The following FBN2 variants were observed in gnomAD, a reference collection of about 807,000 sequenced individuals.
FBN2 encodes the protein fibrillin 2, also known as fibrillin-2.
In FBN2, 105 loss-of-function variants were observed where a neutral mutation model predicts 355.6. The observed-to-expected ratio is 0.30, with a 90% CI of 0.25 to 0.35. The LOEUF is 0.35. Among genes scored for constraint, FBN2 ranks in the 10% least tolerant of loss-of-function variants. FBN2 has a pLI of 1.00. For missense variants in FBN2, 3,280 were observed against 3,758.7 expected (o/e 0.87, Z 3.33); for synonymous variants, 1,350 against 1,301.2 (o/e 1.04, Z -0.81).
chr5:128,351,811 C>T (rs1751375285), intron 20 of FBN2, among the ~76,000 whole-genome samples: 1 of 151,890 alleles, frequency 6.6e-6, no homozygotes, highest in South Asian at 2.1e-4. Flanking sequence ...AGCAATCCTT[C>T]CACTTCAGCC....
At chr5:128,344,326 A>C in intron 25 of FBN2, 59 bp downstream of exon 25, 1 of 1,581,098 alleles carries the variant, frequency 6.3e-7, no homozygotes, top group Non-Finnish European at 8.7e-7. Flanking sequence ...CAGTCCTTTC[A>C]AACAGAGTAA....
At chr5:128,528,251 G>C (rs777476964) in intron 3 of FBN2, among the ~76,000 whole-genome samples, 1 of 152,088 alleles carries the variant, frequency 6.6e-6, no homozygotes, top group Non-Finnish European at 1.5e-5. Flanking sequence ...AAAGCAGGAG[G>C]CACTTTTGTC....
At position 128,374,489 on chromosome 5, in the gene FBN2, C is replaced by G. The variant is rs146479440; in HGVS notation, c.2095+139G>C. On this transcript the variant is annotated intron_variant, in intron 15 of 64. Coordinates refer to ENST00000262464, the MANE Select transcript of FBN2 (RefSeq NM_001999.4). ...TTTGTGACTGGCTTCTTTCACTTAG[C>G]ATAATCTTTCCAAGGTTTATCCATG... 3.8e-3 allele frequency: 4,501 copies of G among 1,177,948 alleles called. 16 individuals carry two copies. The highest frequency in any genetic ancestry group is 5.1e-3 in the Non-Finnish European group (4,094 of 809,178). 73.0% of individuals were successfully genotyped at this position (1,177,948 alleles called of 1,614,324 possible).
chr5:128,444,746 G>T (rs991499008), intron 7 of FBN2, among the ~76,000 whole-genome samples: 1 of 152,176 alleles, frequency 6.6e-6, no homozygotes. Context: ...GGCTCTGTAT[G>T]CTGCTTTGAT....
intron 16 of FBN2, among the ~76,000 whole-genome samples, chr5:128,366,979 T>C (rs1751789502): frequency 6.6e-6 from 1 of 152,206 alleles, no homozygotes; most frequent in African/African-American, 2.4e-5. Context: ...TCCTGGGTAC[T>C]CTATCACAGG....
intron 23 of FBN2, among the ~76,000 whole-genome samples, chr5:128,346,549 GT>G (rs1308297966): frequency 6.6e-6 from 1 of 152,156 alleles, no homozygotes; most frequent in Non-Finnish European, 1.5e-5. Context: ...ATTCTTTCAA[GT>G]TCTAAAAGGT....
chr5:128,290,723 T>C lies in FBN2; in HGVS notation c.6445+9A>G. On this transcript the variant is annotated intron_variant, in intron 50 of 64. Transcript: ENST00000262464. Reference sequence around the variant, plus strand: ...ACAAAGTGCTGTCTGATGATGTCATTGCTCTTACCTTCATCGTCTTTGGGG... The same window carrying C: ...ACAAAGTGCTGTCTGATGATGTCATCGCTCTTACCTTCATCGTCTTTGGGG... The C allele has an allele frequency of 6.2e-7, 1 of 1,613,924 alleles. No individual in the cohort carries two copies. Among genetic ancestry groups the C allele is most frequent in the Non-Finnish European group, 8.5e-7 (1 of 1,179,760 alleles).
At chr5:128,451,691 C>T (rs897279332) in intron 6 of FBN2, among the ~76,000 whole-genome samples, 27 of 152,274 alleles carry the variant, frequency 1.8e-4, no homozygotes, top group East Asian at 7.7e-4. Context: ...TGAGCCACTG[C>T]GCACAGCCTT....
intron 7 of FBN2, among the ~76,000 whole-genome samples, chr5:128,434,394 G>GTATATATATA (rs6149234): frequency 0.016 from 1,434 of 91,460 alleles, 54 homozygotes; most frequent in Non-Finnish European, 0.018. Context: ...AATAAAGTGT[G>GTATATATATA]TATATATATA....
chr5:128,334,663 G>A, intron 31 of FBN2, 56 bp downstream of exon 31: 1 of 1,596,434 alleles, frequency 6.3e-7, no homozygotes, highest in Middle Eastern at 1.7e-4. Context: ...GATGTTGAAA[G>A]TTGGCCTTTG....
intron 53 of FBN2, 107 bp downstream of exon 53, chr5:128,288,331 C>A: frequency 2.2e-6 from 3 of 1,343,414 alleles, no homozygotes; most frequent in Admixed American, 1.9e-5. Flanking sequence ...AAAACCCCAC[C>A]GTATGCTCAC....
chr5:128,395,480 C>T (rs189465306), intron 8 of FBN2, among the ~76,000 whole-genome samples: 3 of 152,302 alleles, frequency 2.0e-5, no homozygotes, highest in Non-Finnish European at 4.4e-5. Flanking sequence ...GGAGGACAGA[C>T]TGCAGTAAGA....
At chr5:128,437,595 T>G (rs1753800722) in intron 7 of FBN2, among the ~76,000 whole-genome samples, 1 of 152,156 alleles carries the variant, frequency 6.6e-6, no homozygotes, top group Non-Finnish European at 1.5e-5. Flanking sequence ...GGTGGCTTCA[T>G]GGGTGCTTAT....
At chr5:128,449,910 C>A (rs758387059) in intron 6 of FBN2, among the ~76,000 whole-genome samples, 1 of 151,850 alleles carries the variant, frequency 6.6e-6, no homozygotes, top group African/African-American at 2.4e-5. Flanking sequence ...GTACTCATCA[C>A]GACAAGTAAT....
chr5:128,296,617 A>G (rs1485812594), intron 48 of FBN2, among the ~76,000 whole-genome samples: 2 of 152,160 alleles, frequency 1.3e-5, no homozygotes, highest in African/African-American at 4.8e-5. Flanking sequence ...TTTCTAGTTT[A>G]TTTGTGTAGA....
chr5:128,396,027 G>C (rs954570485), intron 8 of FBN2, among the ~76,000 whole-genome samples: 1 of 152,180 alleles, frequency 6.6e-6, no homozygotes, highest in Non-Finnish European at 1.5e-5. Flanking sequence ...CCAGTGAGGA[G>C]GACACTGAAG....
chr5:128,351,462 G>T (rs1407066422), intron 20 of FBN2, among the ~76,000 whole-genome samples: 1 of 151,840 alleles, frequency 6.6e-6, no homozygotes, highest in Non-Finnish European at 1.5e-5. Context: ...CAGGAGAATC[G>T]CTTGAACGCA....
intron 34 of FBN2, among the ~76,000 whole-genome samples, chr5:128,327,527 G>A (rs1750584689): frequency 6.7e-6 from 1 of 149,056 alleles, no homozygotes; most frequent in South Asian, 2.1e-4. Context: ...GTAGGGGGAA[G>A]TTTTTAATAT....
intron 7 of FBN2, among the ~76,000 whole-genome samples, chr5:128,443,401 T>C (rs933625111): frequency 6.0e-4 from 91 of 152,180 alleles, no homozygotes; most frequent in African/African-American, 2.1e-3. Context: ...TTATATATCC[T>C]ACTCTCAATT....
Sources: gnomAD v4.1 joint callset for allele counts (sites outside exome capture counted in the v4.1 genomes callset) on GRCh38, gnomAD v4.1.1 for gene constraint, MANE v1.5 for transcripts, NCBI Gene and HGNC (gene_info 2026-07-23, HGNC 2026-07-21) for gene names.